SYT1: variants seen among roughly 807,000 people sequenced by gnomAD.
SYT1 encodes synaptotagmin-1.
In SYT1, 8 loss-of-function variants were observed where a neutral mutation model predicts 44.8. The ratio of observed to expected loss-of-function variants is 0.18; its 90% CI spans 0.10 to 0.32. SYT1 has a LOEUF of 0.32. SYT1 is among the 10% of genes least tolerant of loss of function. The pLI, the probability that SYT1 is intolerant of heterozygous loss-of-function variation, is 1.00. For synonymous variants in SYT1, 154 were observed against 188.8 expected (o/e 0.82, Z 1.51); for missense variants, 286 against 509.3 (o/e 0.56, Z 4.22).
intron 7 of SYT1, among the ~76,000 whole-genome samples, chr12:79,297,390 G>A (rs907482031): frequency 6.6e-6 from 1 of 151,860 alleles, no homozygotes; most frequent in African/African-American, 2.4e-5. Flanking sequence ...TAAAAATATT[G>A]TAATAGTAAT....
chr12:79,370,964 A>G (rs1288863286), intron 9 of SYT1, among the ~76,000 whole-genome samples: 2 of 152,006 alleles, frequency 1.3e-5, no homozygotes, highest in African/African-American at 4.8e-5. Flanking sequence ...ATTAAAGACA[A>G]ATGTATCCTC....
At chr12:79,120,347 C>T (rs527493940) in intron 3 of SYT1, among the ~76,000 whole-genome samples, 7 of 152,064 alleles carry the variant, frequency 4.6e-5, no homozygotes, top group Non-Finnish European at 1.0e-4. Flanking sequence ...GGGCACTAGG[C>T]TCACTACCTA....
At chr12:79,301,287 G>A (rs1038419685) in intron 8 of SYT1, among the ~76,000 whole-genome samples, 2 of 152,070 alleles carry the variant, frequency 1.3e-5, no homozygotes, top group African/African-American at 4.8e-5. Flanking sequence ...ATTATCAGGT[G>A]GTAATGACAT....
intron 3 of SYT1, among the ~76,000 whole-genome samples, chr12:79,113,543 G>T (rs566260956): frequency 2.6e-5 from 4 of 152,168 alleles, no homozygotes; most frequent in African/African-American, 9.6e-5. Flanking sequence ...TACATACTGT[G>T]TAGTAGCATA....
intron 9 of SYT1, among the ~76,000 whole-genome samples, chr12:79,379,556 A>G (rs1360742453): frequency 3.3e-5 from 5 of 152,214 alleles, no homozygotes; most frequent in South Asian, 2.1e-4. Flanking sequence ...ACTTAGGCCA[A>G]GCTTTTTGGA....
intron 1 of SYT1, among the ~76,000 whole-genome samples, chr12:78,951,413 A>G (rs983469204): frequency 6.6e-6 from 1 of 152,122 alleles, no homozygotes; most frequent in Non-Finnish European, 1.5e-5. Context: ...GTAGGTAGGA[A>G]AGTTATATGG....
At chr12:79,085,549 A>G (rs1436024206) in intron 3 of SYT1, among the ~76,000 whole-genome samples, 1 of 152,100 alleles carries the variant, frequency 6.6e-6, no homozygotes, top group Non-Finnish European at 1.5e-5. Context: ...ATGTTCTGTC[A>G]GTGATGTGTA....
At chr12:79,113,494 T>G (rs781414429) in intron 3 of SYT1, among the ~76,000 whole-genome samples, 14 of 152,116 alleles carry the variant, frequency 9.2e-5, no homozygotes, top group Non-Finnish European at 1.5e-4. Context: ...ATATTGTCAA[T>G]TGAATTTTGG....
At chr12:79,153,490 A>T (rs946922871) in intron 3 of SYT1, among the ~76,000 whole-genome samples, 4 of 152,170 alleles carry the variant, frequency 2.6e-5, no homozygotes, top group African/African-American at 9.6e-5. Context: ...GCTGTGGTTA[A>T]AAACTCAGTT....
intron 3 of SYT1, among the ~76,000 whole-genome samples, chr12:79,176,436 A>G (rs1482486747): frequency 1.3e-5 from 2 of 152,104 alleles, no homozygotes; most frequent in African/African-American, 4.8e-5. Context: ...AATGACCACA[A>G]TAGAAACACT....
At chr12:79,190,331 C>T (rs538346640) in intron 3 of SYT1, among the ~76,000 whole-genome samples, 1 of 152,192 alleles carries the variant, frequency 6.6e-6, no homozygotes, top group African/African-American at 2.4e-5. Context: ...TCTCAGAAAG[C>T]TCAGCAACTT....
chr12:78,935,635 T>G (rs1428030284), intron 1 of SYT1, among the ~76,000 whole-genome samples: 1 of 151,982 alleles, frequency 6.6e-6, no homozygotes. Flanking sequence ...ATAAAATAAA[T>G]AAAATAAAAT....
At chr12:78,885,222 G>C (rs919000692) in intron 1 of SYT1, among the ~76,000 whole-genome samples, 1 of 150,710 alleles carries the variant, frequency 6.6e-6, no homozygotes, top group African/African-American at 2.4e-5. Context: ...AGTGGAGAAA[G>C]GAAGGAAGGC....
chr12:78,925,691 C>T (rs1188949891), intron 1 of SYT1, among the ~76,000 whole-genome samples: 1 of 151,860 alleles, frequency 6.6e-6, no homozygotes, highest in Non-Finnish European at 1.5e-5. Context: ...TTTTGCATTA[C>T]CTGGCACATA....
chr12:79,100,894 T>C (rs986029948), intron 3 of SYT1, among the ~76,000 whole-genome samples: 11 of 152,158 alleles, frequency 7.2e-5, no homozygotes, highest in African/African-American at 2.7e-4. Context: ...TATTTTTATA[T>C]TATGTTTAGG....
At chr12:79,046,545 C>T (rs1874072663) in intron 2 of SYT1, 2 of 152,028 alleles carry the variant, frequency 1.3e-5, no homozygotes, top group South Asian at 4.1e-4. Flanking sequence ...TACATTAAAG[C>T]AATTCTTAAT....
At chr12:79,422,394 T>C (rs936278606) in intron 9 of SYT1, among the ~76,000 whole-genome samples, 3 of 151,876 alleles carry the variant, frequency 2.0e-5, no homozygotes, top group African/African-American at 4.8e-5. Context: ...TGCCTTAGCA[T>C]GTTTGGATGT....
intron 9 of SYT1, among the ~76,000 whole-genome samples, chr12:79,374,880 G>C (rs564095219): frequency 6.6e-6 from 1 of 152,274 alleles, no homozygotes; most frequent in East Asian, 1.9e-4. Context: ...GTGTGATTTA[G>C]ATTAGGAGTA....
At chr12:78,916,670 C>T (rs2137146818) in intron 1 of SYT1, among the ~76,000 whole-genome samples, 1 of 152,056 alleles carries the variant, frequency 6.6e-6, no homozygotes, top group South Asian at 2.1e-4. Flanking sequence ...ACTATCAAAA[C>T]CTTTTTTAAT....
Sources: allele counts gnomAD v4.1 joint callset (sites outside exome capture counted in the v4.1 genomes callset), GRCh38; gene constraint gnomAD v4.1.1; transcripts MANE v1.5; gene names NCBI Gene and HGNC (gene_info 2026-07-23, HGNC 2026-07-21).